The following RMND5A variants were observed in gnomAD, a reference collection of about 807,000 sequenced individuals.
The protein encoded by RMND5A is E3 ubiquitin-protein transferase RMND5A.
Under a neutral mutation model 49.7 loss-of-function variants are expected in RMND5A, and 17 were observed. The ratio of observed to expected loss-of-function variants is 0.34; its 90% confidence interval spans 0.23 to 0.51. RMND5A has a LOEUF of 0.51. Ranked by LOEUF, RMND5A falls within the 20% of genes least tolerant of loss-of-function variation. The pLI is 0.96. For synonymous variants in RMND5A, 156 were observed against 167.7 expected, an observed-to-expected ratio of 0.93 and a Z score of 0.54; for missense variants, 255 against 471.3, an observed-to-expected ratio of 0.54 and a Z score of 4.25.
At chr2:86,751,326 A>T (rs184525535) in intron 2 of RMND5A, among the ~76,000 whole-genome samples, 18 of 152,288 alleles carry the variant, frequency 1.2e-4, no homozygotes, top group Non-Finnish European at 2.5e-4. Context: ...AATTAGGTCT[A>T]TTCCCTAGTT....
chr2:86,741,453 A>G (rs1169983982), intron 2 of RMND5A, among the ~76,000 whole-genome samples: 6 of 151,034 alleles, frequency 4.0e-5, no homozygotes, highest in Admixed American at 2.0e-4. Context: ...CTGTTATGGG[A>G]TGATTAGAAT....
intron 1 of RMND5A, 144 bp downstream of exon 1, chr2:86,720,953 A>G (rs1269480813): frequency 1.2e-5 from 8 of 654,460 alleles, no homozygotes; most frequent in Non-Finnish European, 1.7e-5. Context: ...CAGACCCCTG[A>G]GACTTTTTCC....
chr2:86,772,507 A>G (rs1393514719), intron 8 of RMND5A, among the ~76,000 whole-genome samples: 1 of 152,104 alleles, frequency 6.6e-6, no homozygotes, highest in Non-Finnish European at 1.5e-5. Flanking sequence ...TGCTAAGTGA[A>G]TTATCTATAC....
chr2:86,751,544 A>G (rs1681633056), intron 2 of RMND5A, among the ~76,000 whole-genome samples: 1 of 152,096 alleles, frequency 6.6e-6, no homozygotes, highest in African/African-American at 2.4e-5. Flanking sequence ...TTCCCCTCCC[A>G]TTATAGACAG....
chr2:86,758,445 C>T (rs1057348722), intron 4 of RMND5A, among the ~76,000 whole-genome samples: 2 of 151,702 alleles, frequency 1.3e-5, no homozygotes, highest in African/African-American at 2.4e-5. Context: ...TATGGATGGA[C>T]GTTTGTAGTT....
intron 3 of RMND5A, 44 bp from the exon 4 acceptor site, chr2:86,753,414 C>G: frequency 8.5e-7 from 1 of 1,176,438 alleles, no homozygotes; most frequent in South Asian, 1.3e-5. Flanking sequence ...GCTCCTTACC[C>G]TGATTACTGC....
At chr2:86,768,780 G>C (rs1672640178) in intron 6 of RMND5A, among the ~76,000 whole-genome samples, 1 of 152,120 alleles carries the variant, frequency 6.6e-6, no homozygotes, top group South Asian at 2.1e-4. Context: ...TGAGAAATGA[G>C]TGCTTCCACC....
At chr2:86,742,287 A>T (rs1410829664) in intron 2 of RMND5A, among the ~76,000 whole-genome samples, 1 of 151,512 alleles carries the variant, frequency 6.6e-6, no homozygotes, top group Non-Finnish European at 1.5e-5. Context: ...GATGGCAGTC[A>T]CCAGCAAAGT....
chr2:86,752,042 C>T lies in RMND5A; in HGVS notation c.420+12C>T, dbSNP rs113845452. On this transcript the variant is annotated intron_variant, in intron 3 of 8. Transcript: ENST00000283632. ...AGGAGCTCTGTCAGGTAACAGTGTG[C>T]CAACTGGGAGGATATGAAAAAGAAA... 2 of 1,611,866 alleles carry T rather than the reference C, an allele frequency of 1.2e-6. No individual in the cohort carries two copies. The highest frequency in any genetic ancestry group is 1.7e-6 in the Non-Finnish European group (2 of 1,178,854).
At position 86,777,106 on chromosome 2, in the gene RMND5A, T is replaced by G. The variant is rs73947265; in HGVS notation, c.*3695T>G. 154 of 152,330 alleles carry G rather than the reference T, an allele frequency of 1.0e-3. 2 individuals are homozygous for G. Among genetic ancestry groups the G allele is most frequent in the African/African-American group, 3.6e-3 (148 of 41,578 alleles). The allele number at this position is 152,330 out of a possible 1,614,324, so 9.4% of individuals were successfully genotyped here. A position where few individuals can be genotyped will look rare whatever the true frequency, so the allele number is the denominator to read the frequency against. ...TGAATTTTCCACTGTTGATTTTACTTCAAGACATAGCAAGAGAAACAAAAT... is the reference window on the plus strand; with the variant it reads ...TGAATTTTCCACTGTTGATTTTACTGCAAGACATAGCAAGAGAAACAAAAT... On this transcript the variant is annotated 3_prime_UTR_variant, in exon 9 of 9. Coordinates refer to ENST00000283632, the MANE Select transcript of RMND5A (RefSeq NM_022780.4).
intron 7 of RMND5A, among the ~76,000 whole-genome samples, chr2:86,770,496 T>G (rs1216424202): frequency 6.6e-6 from 1 of 152,210 alleles, no homozygotes; most frequent in East Asian, 1.9e-4. Context: ...TAACTATTGC[T>G]GTCGATAAGA....
chr2:86,771,536 CTTTTTTT>C lies in RMND5A; in HGVS notation c.958-12_958-6del. The C allele has an allele frequency of 7.0e-7, 1 of 1,425,318 alleles. No individual in the cohort carries two copies. Among genetic ancestry groups the C allele is most frequent in the Non-Finnish European group, 9.5e-7 (1 of 1,053,256 alleles). 88.3% of individuals were successfully genotyped at this position (1,425,318 alleles called of 1,614,324 possible). Reference sequence around the variant, plus strand: ...GTGAAATATGACTTCAGCTTTTTTACTTTTTTTTTTTTTTTTAACAGATTGAAGTGGA... The same window carrying C: ...GTGAAATATGACTTCAGCTTTTTTACTTTTTTTTTAACAGATTGAAGTGGA... On this transcript the variant is annotated splice_polypyrimidine_tract_variant and intron_variant, in intron 7 of 8. Transcript: ENST00000283632.
intron 2 of RMND5A, among the ~76,000 whole-genome samples, chr2:86,743,329 C>G (rs1250821798): frequency 6.6e-6 from 1 of 150,936 alleles, no homozygotes; most frequent in Non-Finnish European, 1.5e-5. Flanking sequence ...GATTCCTAAT[C>G]ACATATTTTA....
At chr2:86,759,048 AG>A (rs967750607) in intron 4 of RMND5A, among the ~76,000 whole-genome samples, 19 of 152,204 alleles carry the variant, frequency 1.2e-4, no homozygotes, top group African/African-American at 4.6e-4. Context: ...ATGCTGTGAA[AG>A]GTTACAGTGG....
At chr2:86,766,852 C>A (rs956458319) in intron 6 of RMND5A, among the ~76,000 whole-genome samples, 1 of 151,980 alleles carries the variant, frequency 6.6e-6, no homozygotes, top group African/African-American at 2.4e-5. Context: ...AAAGGATGTT[C>A]TTGGTGAAAC....
At chr2:86,744,791 TC>T (rs746561189) in intron 2 of RMND5A, among the ~76,000 whole-genome samples, 1 of 152,056 alleles carries the variant, frequency 6.6e-6, no homozygotes, top group Non-Finnish European at 1.5e-5. Context: ...CGAGTGGTCC[TC>T]CCACCTCAGC....
chr2:86,723,995 A>G (rs1164896255), intron 1 of RMND5A, among the ~76,000 whole-genome samples: 1 of 152,066 alleles, frequency 6.6e-6, no homozygotes, highest in Non-Finnish European at 1.5e-5. Context: ...TGAGGATAGT[A>G]TGGGCTGGTC....
intron 2 of RMND5A, among the ~76,000 whole-genome samples, chr2:86,749,236 A>G (rs763407707): frequency 6.6e-6 from 1 of 152,224 alleles, no homozygotes; most frequent in Non-Finnish European, 1.5e-5. Context: ...ATGAACTGTT[A>G]TAAAATTAGC....
chr2:86,762,352 A>T (rs1178046164), intron 4 of RMND5A, among the ~76,000 whole-genome samples: 1 of 152,198 alleles, frequency 6.6e-6, no homozygotes, highest in Non-Finnish European at 1.5e-5. Context: ...TAAAAAATGT[A>T]TCACTCTTTT....
Sources: gnomAD v4.1 joint callset for allele counts (sites outside exome capture counted in the v4.1 genomes callset) on GRCh38, gnomAD v4.1.1 for gene constraint, MANE v1.5 for transcripts, NCBI Gene and HGNC (gene_info 2026-07-23, HGNC 2026-07-21) for gene names.